Variants in SORCS1 observed in about 807,000 individuals in gnomAD.
The protein encoded by SORCS1 is VPS10 domain-containing receptor SorCS1.
A neutral mutation model predicts 146.1 loss-of-function variants in SORCS1; 60 were observed. The observed-to-expected ratio is 0.41, with a 90% CI of 0.33 to 0.51. SORCS1 has a LOEUF of 0.51. SORCS1 is among the 20% of genes least tolerant of loss of function. The pLI is 0.21. For missense variants in SORCS1, 1,352 were observed against 1,487.6 expected (o/e 0.91, Z 1.50); for synonymous variants, 637 against 584.0 (o/e 1.09, Z -1.31).
At position 106,830,594 on chromosome 10, in the gene SORCS1, A is replaced by T. The variant is rs1183238652; in HGVS notation, c.627-921T>A. Among the ~76,000 whole-genome samples, 154 of 147,864 alleles carry T rather than the reference A, an allele frequency of 1.0e-3. 1 individual carries two copies. The highest frequency in any genetic ancestry group is 3.4e-3 in the African/African-American group (132 of 38,816). On this transcript the variant is annotated intron_variant, in intron 2 of 25. Transcript: ENST00000263054. ...TTTTTTTTCCTTTTTTTTTTTTTTA[A>T]AAAAATTTAAAGAATATAGGGCTGG... is the stretch of plus-strand genomic sequence containing the variant.
chr10:107,031,893 G>A (rs1313892258), intron 1 of SORCS1, among the ~76,000 whole-genome samples: 1 of 151,952 alleles, frequency 6.6e-6, no homozygotes, highest in Admixed American at 6.6e-5. Flanking sequence ...TCTTCACTAG[G>A]ACCCTGTGTT....
intron 1 of SORCS1, among the ~76,000 whole-genome samples, chr10:107,067,852 T>A: frequency 6.6e-6 from 1 of 152,318 alleles, no homozygotes; most frequent in East Asian, 1.9e-4. Context: ...ATTTGTTAAA[T>A]AAATAAATAT....
At position 107,090,735 on chromosome 10, in the gene SORCS1, C is replaced by T. The variant is rs1964124162; in HGVS notation, c.558+73234G>A. ...AAACAACAGCCTCATTGACTATACG[C>T]ATAATTTGAACCAAAGCCCTTATTT... On this transcript the variant is annotated intron_variant, in intron 1 of 25. Coordinates refer to ENST00000263054, the MANE Select transcript of SORCS1 (RefSeq NM_052918.5). Among the ~76,000 whole-genome samples, 7 of 152,236 alleles carry T rather than the reference C, an allele frequency of 4.6e-5. No individual in the cohort carries two copies. In the South Asian group the frequency reaches 1.4e-3, roughly 32 times the overall value.
intron 2 of SORCS1, among the ~76,000 whole-genome samples, chr10:106,903,089 TAAC>T (rs1366041520): frequency 6.6e-6 from 1 of 152,048 alleles, no homozygotes; most frequent in Non-Finnish European, 1.5e-5. Context: ...AAAATAATAA[TAAC>T]AAAATAATTA....
At chr10:106,961,643 C>A (rs1342844736) in intron 1 of SORCS1, among the ~76,000 whole-genome samples, 1 of 152,216 alleles carries the variant, frequency 6.6e-6, no homozygotes, top group Non-Finnish European at 1.5e-5. Context: ...ACCTGCAGAA[C>A]TAGCAGATGA....
intron 23 of SORCS1, among the ~76,000 whole-genome samples, chr10:106,601,850 A>T (rs1483888423): frequency 2.6e-5 from 4 of 152,234 alleles, no homozygotes; most frequent in African/African-American, 9.6e-5. Context: ...TGGAAGTGGC[A>T]CATATCACTT....
At chr10:106,853,345 T>G (rs185888448) in intron 2 of SORCS1, among the ~76,000 whole-genome samples, 1 of 152,066 alleles carries the variant, frequency 6.6e-6, no homozygotes, top group African/African-American at 2.4e-5. Flanking sequence ...ATTAGTATTT[T>G]GTGCTCCCTC....
intron 1 of SORCS1, among the ~76,000 whole-genome samples, chr10:107,122,420 T>C (rs1565073107): frequency 6.6e-6 from 1 of 152,326 alleles, no homozygotes; most frequent in East Asian, 1.9e-4. Flanking sequence ...CTCTTGCCTC[T>C]CTGATCACTT....
intron 1 of SORCS1, among the ~76,000 whole-genome samples, chr10:107,099,713 T>C (rs908512243): frequency 6.6e-6 from 1 of 152,212 alleles, no homozygotes; most frequent in South Asian, 2.1e-4. Context: ...GTTAAACTAA[T>C]ACAACCATAA....
chr10:107,038,697 G>A (rs1453397399), intron 1 of SORCS1, among the ~76,000 whole-genome samples: 3 of 12,692 alleles, frequency 2.4e-4, no homozygotes, highest in East Asian at 1.0e-3. Context: ...GGCAGGGGGC[G>A]GGGGGGGAGG....
intron 2 of SORCS1, among the ~76,000 whole-genome samples, chr10:106,891,131 T>A (rs1951213482): frequency 1.3e-5 from 2 of 152,166 alleles, no homozygotes; most frequent in South Asian, 4.1e-4. Context: ...TTACTTTACA[T>A]AACAAAAATA....
chr10:106,579,069 G>T, intron 25 of SORCS1: 1 of 1,612,682 alleles, frequency 6.2e-7, no homozygotes. Context: ...CGAACAGCTG[G>T]TGGCTACTGG....
chr10:106,781,225 A>G (rs1860871398), intron 3 of SORCS1, among the ~76,000 whole-genome samples: 2 of 152,016 alleles, frequency 1.3e-5, no homozygotes, highest in South Asian at 4.1e-4. Flanking sequence ...GAATTCCACC[A>G]TTTATTGGTT....
chr10:106,613,287 G>C (rs1847129942), intron 21 of SORCS1, among the ~76,000 whole-genome samples: 1 of 152,162 alleles, frequency 6.6e-6, no homozygotes, highest in African/African-American at 2.4e-5. Flanking sequence ...CTCTGTGCGA[G>C]AAAGTGGGCA....
intron 3 of SORCS1, among the ~76,000 whole-genome samples, chr10:106,826,990 G>A (rs191651492): frequency 6.6e-5 from 10 of 152,258 alleles, no homozygotes; most frequent in African/African-American, 2.2e-4. Context: ...TAATTATGCA[G>A]CCTGATTCAT....
chr10:106,819,629 T>A (rs1169332895), intron 3 of SORCS1, among the ~76,000 whole-genome samples: 1 of 152,166 alleles, frequency 6.6e-6, no homozygotes, highest in Non-Finnish European at 1.5e-5. Context: ...GATATTTGAA[T>A]CTGCTGCAGG....
At chr10:106,830,531 C>T (rs974825498) in intron 2 of SORCS1, among the ~76,000 whole-genome samples, 2 of 150,128 alleles carry the variant, frequency 1.3e-5, no homozygotes, top group Admixed American at 1.3e-4. Flanking sequence ...GTATTTTCGC[C>T]TAGGCCCCAT....
rs529396562 is a variant in SORCS1, at chr10:106,662,892, G to T, written c.2303+4797C>A. Among the ~76,000 whole-genome samples, 14 of 152,252 alleles carry T rather than the reference G, an allele frequency of 9.2e-5. No homozygotes were observed. In the South Asian group the frequency reaches 2.9e-3, roughly 32 times the overall value. Reference sequence around the variant, plus strand: ...AATCTCTAATTTTTGGGACTCACAGGCAGCCCATGAGCAGGAAGCCAGTGT... The same window carrying T: ...AATCTCTAATTTTTGGGACTCACAGTCAGCCCATGAGCAGGAAGCCAGTGT... On this transcript the variant is annotated intron_variant, in intron 17 of 25. Transcript: ENST00000263054.
intron 3 of SORCS1, among the ~76,000 whole-genome samples, chr10:106,823,751 A>C (rs1354762007): frequency 6.6e-6 from 1 of 152,158 alleles, no homozygotes; most frequent in Non-Finnish European, 1.5e-5. Context: ...CTCCTCAGGG[A>C]AATTGATTAA....
Sources: gnomAD v4.1 joint callset for allele counts (sites outside exome capture counted in the v4.1 genomes callset) on GRCh38, gnomAD v4.1.1 for gene constraint, MANE v1.5 for transcripts, NCBI Gene and HGNC (gene_info 2026-07-23, HGNC 2026-07-21) for gene names.